CTBS: variants seen among roughly 807,000 people sequenced by gnomAD.
CTBS encodes di-N-acetylchitobiase.
Under a neutral mutation model 44.3 loss-of-function variants are expected in CTBS, and 35 were observed. That is an observed-to-expected ratio of 0.79 (90% CI 0.60 to 1.05). CTBS has a LOEUF of 1.05. Among genes scored for constraint, CTBS ranks in the 50% least tolerant of loss-of-function variants. The probability of loss-of-function intolerance (pLI) is 0.00; values close to 1 mark genes in which losing one functional copy is unlikely to be tolerated. For synonymous variants in CTBS, 143 were observed against 168.0 expected (o/e 0.85, Z 1.15); for missense variants, 458 against 475.3 (o/e 0.96, Z 0.34).
In CTBS at chr1:84,571,123, G is replaced by A. The variant is rs555848933; in HGVS notation, c.178-403C>T. 1.1e-4 allele frequency among the ~76,000 whole-genome samples: 17 copies of A among 152,318 alleles called. No individual in the cohort carries two copies. The South Asian group carries it at 3.5e-3, about 32-fold the overall frequency. On this transcript the variant is annotated intron_variant, in intron 1 of 6. Coordinates refer to ENST00000370630, the MANE Select transcript of CTBS (RefSeq NM_004388.3). ...TACCTTGTTTATCCTGAGGTAAAGG[G>A]AGAGAATAAAAGCATTTTTAAAAGG...
In CTBS at chr1:84,551,768, T is replaced by G. The variant is rs1684280070; in HGVS notation, c.*3231A>C. ...TGCACTCAAAAAATAATTTGTTCAA[T>G]GAAGGAAAACTGTCTATTCAATATA... On this transcript the variant is annotated 3_prime_UTR_variant, in exon 7 of 7. Coordinates refer to ENST00000370630, the MANE Select transcript of CTBS (RefSeq NM_004388.3). The G allele has an allele frequency of 6.6e-6, 1 of 152,112 alleles. No individual in the cohort carries two copies. The highest frequency in any genetic ancestry group is 1.5e-5 in the Non-Finnish European group (1 of 67,986). 9.4% of individuals were successfully genotyped at this position (152,112 alleles called of 1,614,324 possible).
intron 5 of CTBS, 35 bp downstream of exon 5, chr1:84,563,700 A>G (rs1173987158): frequency 2.4e-6 from 3 of 1,265,080 alleles, no homozygotes; most frequent in South Asian, 1.5e-5. Flanking sequence ...AATATAATAG[A>G]TAATAAAAAT....
intron 6 of CTBS, among the ~76,000 whole-genome samples, chr1:84,559,913 C>G (rs1036017886): frequency 6.6e-6 from 1 of 151,722 alleles, no homozygotes; most frequent in Non-Finnish European, 1.5e-5. Flanking sequence ...AGTGAAACCC[C>G]ATCTCTACTA....
rs1236352472 is a variant in CTBS at position 84,550,934 on chromosome 1, G to T, written c.*4065C>A. 1.0e-6 allele frequency: 1 copy of T among 976,568 alleles called. No homozygotes were observed. Among genetic ancestry groups the T allele is most frequent in the Non-Finnish European group, 1.2e-6 (1 of 822,088 alleles). The allele number at this position is 976,568 out of a possible 1,614,324, so 60.5% of individuals were successfully genotyped here. A position where few individuals can be genotyped will look rare whatever the true frequency, so the allele number is the denominator to read the frequency against. ...TCATTTTTTCTGGTTATTTTCATAT[G>T]TATTCTATTATTTAAATATGAATAA... On this transcript the variant is annotated 3_prime_UTR_variant, in exon 7 of 7. Coordinates refer to ENST00000370630, the MANE Select transcript of CTBS (RefSeq NM_004388.3).
In CTBS at chr1:84,552,201, C is replaced by T. The variant is rs1292018374; in HGVS notation, c.*2798G>A. 2 of 152,098 alleles carry T rather than the reference C, an allele frequency of 1.3e-5. No individual in the cohort carries two copies. The highest frequency in any genetic ancestry group is 2.9e-5 in the Non-Finnish European group (2 of 68,006). 9.4% of individuals were successfully genotyped at this position (152,098 alleles called of 1,614,324 possible). On this transcript the variant is annotated 3_prime_UTR_variant, in exon 7 of 7. Transcript: ENST00000370630. Reference sequence around the variant, plus strand: ...TCAGAACTAAGGGACAAAAAAAACCCAGCCTGAGTCTCTTGCAACCATATT... The same window carrying T: ...TCAGAACTAAGGGACAAAAAAAACCTAGCCTGAGTCTCTTGCAACCATATT...
At position 84,553,062 on chromosome 1, in the gene CTBS, CGAACATTGAAAACT is replaced by C; in HGVS notation, c.*1923_*1936del. Reference sequence around the variant, plus strand: ...GAGAAAACAAGCAGTTTCAGATTTACGAACATTGAAAACTGAACTGGCACAGAAAAAAAAAATAA... The same window carrying C: ...GAGAAAACAAGCAGTTTCAGATTTACGAACTGGCACAGAAAAAAAAAATAA... On this transcript the variant is annotated 3_prime_UTR_variant, in exon 7 of 7. Coordinates refer to ENST00000370630, the MANE Select transcript of CTBS (RefSeq NM_004388.3). 1 of 1,525,640 alleles carries C rather than the reference CGAACATTGAAAACT, an allele frequency of 6.6e-7. No individual in the cohort carries two copies. The highest frequency in any genetic ancestry group is 8.8e-7 in the Non-Finnish European group (1 of 1,137,294). 94.5% of individuals were successfully genotyped at this position (1,525,640 alleles called of 1,614,324 possible). A position where few individuals can be genotyped will look rare whatever the true frequency, so the allele number is the denominator to read the frequency against.
Position 84,550,844 on chromosome 1 carries a change from A to G in CTBS, c.*4155T>C. 2.0e-6 allele frequency: 2 copies of G among 994,120 alleles called. No homozygotes were observed. Among genetic ancestry groups the G allele is most frequent in the Non-Finnish European group, 2.4e-6 (2 of 835,200 alleles). 61.6% of individuals were successfully genotyped at this position (994,120 alleles called of 1,614,324 possible). Reference sequence around the variant, plus strand: ...TAAGTAGTTTTCCTGTATTAGAATTATTAAGTCTGATAAACCACTGAGCTC... The same window carrying G: ...TAAGTAGTTTTCCTGTATTAGAATTGTTAAGTCTGATAAACCACTGAGCTC... On this transcript the variant is annotated 3_prime_UTR_variant, in exon 7 of 7. Transcript: ENST00000370630.
Position 84,554,744 on chromosome 1 carries a change from CA to C in CTBS, c.*254del, listed in dbSNP as rs1684378572. Reference sequence around the variant, plus strand: ...ATAAAATTCTGAAAGCAATTTTTCCCAATTAAATTATAGTGTTGAAACATCT... The same window carrying C: ...ATAAAATTCTGAAAGCAATTTTTCCCATTAAATTATAGTGTTGAAACATCT... On this transcript the variant is annotated 3_prime_UTR_variant, in exon 7 of 7. Transcript: ENST00000370630. 3.2e-6 allele frequency: 1 copy of C among 309,630 alleles called. No homozygotes were observed. Among genetic ancestry groups the C allele is most frequent in the African/African-American group, 2.2e-5 (1 of 46,420 alleles). 19.2% of individuals were successfully genotyped at this position (309,630 alleles called of 1,614,324 possible).
intron 1 of CTBS, chr1:84,573,858 G>T: frequency 1.8e-6 from 2 of 1,090,450 alleles, no homozygotes; most frequent in Non-Finnish European, 1.1e-6. Context: ...CTGTTGGAGT[G>T]CTGAGATTCT....
At chr1:84,556,738 G>A (rs1372613936) in intron 6 of CTBS, among the ~76,000 whole-genome samples, 2 of 148,162 alleles carry the variant, frequency 1.3e-5, no homozygotes, top group African/African-American at 5.0e-5. Context: ...AGACCACTTT[G>A]AAGGAAAATA....
At position 84,570,635 on chromosome 1, in the gene CTBS, T is replaced by A; in HGVS notation, c.263A>T (p.Asp88Val). 1 of 1,613,982 alleles carries A rather than the reference T, an allele frequency of 6.2e-7. No individual in the cohort carries two copies. The highest frequency in any genetic ancestry group is 8.5e-7 in the Non-Finnish European group (1 of 1,179,854). ...ATGAGCGTAGCACATAAGTTCTGAG[T>A]CATATTTTCCAAATGTTGCCACAGT... ...ITTVATFGKYDSELMCYAHSK... is the reference protein window; with the variant it reads ...ITTVATFGKYVSELMCYAHSK... Residue 88 changes from aspartate (D) to valine (V), a missense_variant, in exon 2 of 7, where the codon GAC becomes GTC. Asp to Val is a radical substitution (Grantham distance 152). Coordinates refer to ENST00000370630, the MANE Select transcript of CTBS (RefSeq NM_004388.3).
chr1:84,553,737 A>G lies in CTBS; in HGVS notation c.*1262T>C, dbSNP rs1355599953. On this transcript the variant is annotated 3_prime_UTR_variant, in exon 7 of 7. Coordinates refer to ENST00000370630, the MANE Select transcript of CTBS (RefSeq NM_004388.3). ...TGTAAATAGGAAATGTAATATTCTC[A>G]TAACAGATGGTTCAATCATCATGTA... is the stretch of plus-strand genomic sequence containing the variant. 1 of 152,190 alleles carries G rather than the reference A, an allele frequency of 6.6e-6. No homozygotes were observed. The highest frequency in any genetic ancestry group is 6.5e-5 in the Admixed American group (1 of 15,280). 9.4% of individuals were successfully genotyped at this position (152,190 alleles called of 1,614,324 possible).
In CTBS at chr1:84,550,438, C is replaced by G; in HGVS notation, c.*4561G>C. ...TATCTATCTATCCACACAGAATTAC[C>G]TAATAATCCAGATCACTGAGGTACA... is the stretch of plus-strand genomic sequence containing the variant. On this transcript the variant is annotated 3_prime_UTR_variant, in exon 7 of 7. Coordinates refer to ENST00000370630, the MANE Select transcript of CTBS (RefSeq NM_004388.3). 1 of 1,523,920 alleles carries G rather than the reference C, an allele frequency of 6.6e-7. No homozygotes were observed. The highest frequency in any genetic ancestry group is 1.3e-5 in the South Asian group (1 of 76,652). The allele number at this position is 1,523,920 out of a possible 1,614,324, so 94.4% of individuals were successfully genotyped here. A position where few individuals can be genotyped will look rare whatever the true frequency, so the allele number is the denominator to read the frequency against.
Position 84,574,365 on chromosome 1 carries a change from G to A in CTBS, c.51C>T (p.Ser17=), listed in dbSNP as rs1218591921. 3 of 1,567,088 alleles carry A rather than the reference G, an allele frequency of 1.9e-6. No individual in the cohort carries two copies. The highest frequency in any genetic ancestry group is 2.6e-6 in the Non-Finnish European group (3 of 1,156,790). ...RRWRLVSSPP[S]GVPGLALLAL... ...CCAGCAGCGCTAGACCCGGGACGCCGCTCGGCGGGCTAGAGACGAGGCGCC... is the reference window on the plus strand; with the variant it reads ...CCAGCAGCGCTAGACCCGGGACGCCACTCGGCGGGCTAGAGACGAGGCGCC... The change falls in exon 1 of 7, where the codon AGC becomes AGT. Residue 17 remains serine (S), a synonymous_variant. Transcript: ENST00000370630.
In CTBS at chr1:84,550,190, T is replaced by C. The variant is rs553683097; in HGVS notation, c.*4809A>G. 1 of 274,916 alleles carries C rather than the reference T, an allele frequency of 3.6e-6. No homozygotes were observed. The highest frequency in any genetic ancestry group is 5.2e-5 in the Admixed American group (1 of 19,256). 17.0% of individuals were successfully genotyped at this position (274,916 alleles called of 1,614,324 possible). ...TAAGATATTATTCCTTTCATAGTAA[T>C]AGTTGTTGGTTTTTACGATGCTAAT... On this transcript the variant is annotated 3_prime_UTR_variant, in exon 7 of 7. Coordinates refer to ENST00000370630, the MANE Select transcript of CTBS (RefSeq NM_004388.3).
intron 3 of CTBS, 60 bp downstream of exon 3, chr1:84,569,871 C>G (rs1472614014): frequency 9.8e-6 from 13 of 1,332,798 alleles, no homozygotes; most frequent in Middle Eastern, 2.6e-4. Context: ...TAGTTATACC[C>G]TCATGAGTAT....
In CTBS at chr1:84,550,348, C is replaced by A. The variant is rs1326088463; in HGVS notation, c.*4651G>T. 4 of 588,094 alleles carry A rather than the reference C, an allele frequency of 6.8e-6. No homozygotes were observed. The highest frequency in any genetic ancestry group is 2.0e-5 in the African/African-American group (1 of 51,270). The allele number at this position is 588,094 out of a possible 1,614,324, so 36.4% of individuals were successfully genotyped here. A position where few individuals can be genotyped will look rare whatever the true frequency, so the allele number is the denominator to read the frequency against. On this transcript the variant is annotated 3_prime_UTR_variant, in exon 7 of 7. Transcript: ENST00000370630. ...CATGATTTACTCTTTTGATCTTTAT[C>A]ATTTCATAGTTTATGTTCACAAGGC...
chr1:84,568,339 AGG>A lies in CTBS; in HGVS notation c.525+1590_525+1591del, dbSNP rs560804414. On this transcript the variant is annotated intron_variant, in intron 3 of 6. Coordinates refer to ENST00000370630, the MANE Select transcript of CTBS (RefSeq NM_004388.3). ...GTTTCTGAGGCCAAAATGTGTGAGG[AGG>A]AGAAGGGGTATTGTGGCCTGTATGC... 3.8e-3 allele frequency among the ~76,000 whole-genome samples: 585 copies of A among 152,292 alleles called. 3 individuals carry two copies. Among genetic ancestry groups the A allele is most frequent in the African/African-American group, 0.013 (556 of 41,554 alleles).
chr1:84,571,150 GA>G (rs757154030), intron 1 of CTBS, among the ~76,000 whole-genome samples: 28 of 152,180 alleles, frequency 1.8e-4, no homozygotes, highest in Non-Finnish European at 3.4e-4. Flanking sequence ...TTTAAAAGGG[GA>G]AGGTATGCAT....
Sources: allele counts gnomAD v4.1 joint callset (sites outside exome capture counted in the v4.1 genomes callset), GRCh38; gene constraint gnomAD v4.1.1; transcripts MANE v1.5; gene names NCBI Gene and HGNC (gene_info 2026-07-23, HGNC 2026-07-21).